Variants in RBL1 observed in about 807,000 individuals in gnomAD.
RBL1 encodes RB transcriptional corepressor like 1.
A neutral mutation model predicts 123.0 loss-of-function variants in RBL1; 82 were observed. The ratio of observed to expected loss-of-function variants is 0.67; its 90% CI spans 0.56 to 0.80. The LOEUF (loss-of-function observed/expected upper bound fraction) is 0.80, where lower values mean the gene tolerates loss of function less well. Ranked by LOEUF, RBL1 falls within the 30% of genes least tolerant of loss-of-function variation. The pLI, the probability that RBL1 is intolerant of heterozygous loss-of-function variation, is 0.00. For synonymous variants in RBL1, 405 were observed against 441.3 expected, an observed-to-expected ratio of 0.92 and a Z score of 1.03; for missense variants, 1,171 against 1,299.6, an observed-to-expected ratio of 0.90 and a Z score of 1.52.
chr20:37,065,341 A>G (rs1464244696), intron 7 of RBL1, 83 bp downstream of exon 7: 10 of 1,021,252 alleles, frequency 9.8e-6, no homozygotes, highest in Non-Finnish European at 1.4e-5. Context: ...ACTTTGATAT[A>G]CTGTTATGCT....
rs2064454859 is a variant in RBL1, at chr20:37,028,202, T to TA, written c.2382+4462dup. On this transcript the variant is annotated intron_variant, in intron 16 of 21. Coordinates refer to ENST00000373664, the MANE Select transcript of RBL1 (RefSeq NM_002895.5). ...CAATATGGTGAAACCACGTCTCTAC[T>TA]AAAAATACAAAAATTAGCCAGGTGT... 2.0e-5 allele frequency among the ~76,000 whole-genome samples: 3 copies of TA among 152,190 alleles called. No individual in the cohort carries two copies. The South Asian group carries it at 6.2e-4, about 32-fold the overall frequency.
At chr20:37,028,009 C>T (rs2064452627) in intron 16 of RBL1, among the ~76,000 whole-genome samples, 1 of 152,142 alleles carries the variant, frequency 6.6e-6, no homozygotes, top group African/African-American at 2.4e-5. Context: ...CCTGGCTTGG[C>T]CTCTGAAAAT....
At chr20:37,003,500 C>G (rs1041193992) in intron 21 of RBL1, 2 of 1,068,798 alleles carry the variant, frequency 1.9e-6, no homozygotes, top group African/African-American at 1.6e-5. Context: ...GTGAACTCCA[C>G]AAATACCATG....
At chr20:37,024,875 A>G (rs2064395776) in intron 16 of RBL1, among the ~76,000 whole-genome samples, 1 of 152,188 alleles carries the variant, frequency 6.6e-6, no homozygotes, top group South Asian at 2.1e-4. Flanking sequence ...GAGGGGGTGA[A>G]GGGACAGAGG....
intron 19 of RBL1, among the ~76,000 whole-genome samples, chr20:37,014,508 C>T (rs748604635): frequency 3.9e-5 from 6 of 151,996 alleles, no homozygotes; most frequent in Middle Eastern, 3.4e-3. Context: ...AGTTAATAAC[C>T]GTATGTAAGG....
At chr20:37,044,661 C>G (rs1375524582) in intron 12 of RBL1, among the ~76,000 whole-genome samples, 1 of 152,126 alleles carries the variant, frequency 6.6e-6, no homozygotes, top group Non-Finnish European at 1.5e-5. Context: ...TTCTGTGGCA[C>G]AGAACCAAAG....
At position 37,055,538 on chromosome 20, in the gene RBL1, A is replaced by G. The variant is rs1217214750; in HGVS notation, c.1467+15T>C. 2 of 1,613,926 alleles carry G rather than the reference A, an allele frequency of 1.2e-6. No individual in the cohort carries two copies. Among genetic ancestry groups the G allele is most frequent in the Non-Finnish European group, 1.7e-6 (2 of 1,179,924 alleles). On this transcript the variant is annotated intron_variant, in intron 11 of 21. Coordinates refer to ENST00000373664, the MANE Select transcript of RBL1 (RefSeq NM_002895.5). ...TTTGGACCTTGCCAGTAGCTCAGAG[A>G]GTGGATTTACTTACTGACATGTCCA...
chr20:37,069,494 C>T (rs1205951229), intron 2 of RBL1, among the ~76,000 whole-genome samples: 27 of 151,998 alleles, frequency 1.8e-4, no homozygotes, highest in Non-Finnish European at 3.5e-4. Flanking sequence ...CCCGCCACCC[C>T]GTCTGGGATG....
chr20:37,095,862 C>G lies in RBL1; in HGVS notation c.67G>C (p.Ala23Pro). 2 of 1,606,872 alleles carry G rather than the reference C, an allele frequency of 1.2e-6. No homozygotes were observed. Among genetic ancestry groups the G allele is most frequent in the Non-Finnish European group, 1.7e-6 (2 of 1,177,478 alleles). The change falls in exon 1 of 22, where the codon GCC (alanine) becomes CCC (proline). Residue 23 changes from alanine to proline, a missense_variant. Physicochemically the swap from Ala to Pro is conservative, Grantham distance 27 (BLOSUM62 -1). Coordinates refer to ENST00000373664, the MANE Select transcript of RBL1 (RefSeq NM_002895.5). The part of the protein sequence containing the change: ...VVAAAGEALQ[A>P]LCQELNLDEG... ...TCCAGGTTCAGCTCCTGGCACAGGGCCTGTAGCGCCTCCCCGGCTGCGGCG... is the reference window on the plus strand; with the variant it reads ...TCCAGGTTCAGCTCCTGGCACAGGGGCTGTAGCGCCTCCCCGGCTGCGGCG...
Position 37,044,128 on chromosome 20 carries a change from C to T in RBL1, c.1728G>A (p.Glu576=). The part of the protein sequence containing the change: ...LAWSHDSALW[E]ALQVSANKVP... ...CTTTGTTTGCAGAAACCTGGAGAGCCTCCCACAGTGCAGAATCGTGACTCC... is the reference window on the plus strand; with the variant it reads ...CTTTGTTTGCAGAAACCTGGAGAGCTTCCCACAGTGCAGAATCGTGACTCC... The change falls in exon 13 of 22, where the codon GAG becomes GAA. Residue 576 remains glutamate, a synonymous_variant. Transcript: ENST00000373664. The T allele has an allele frequency of 6.2e-7, 1 of 1,612,686 alleles. No individual in the cohort carries two copies. Among genetic ancestry groups the T allele is most frequent in the Non-Finnish European group, 8.5e-7 (1 of 1,179,620 alleles).
chr20:37,080,057 A>T (rs991349916), intron 2 of RBL1, among the ~76,000 whole-genome samples: 2 of 147,842 alleles, frequency 1.4e-5, no homozygotes, highest in Admixed American at 1.4e-4. Context: ...ATTTTGATAG[A>T]ATGTACTTTT....
intron 9 of RBL1, among the ~76,000 whole-genome samples, chr20:37,058,567 G>A (rs1371287935): frequency 1.3e-5 from 2 of 151,194 alleles, no homozygotes; most frequent in Non-Finnish European, 2.9e-5. Context: ...GGTTTTATTT[G>A]TTTTGTTTTT....
At chr20:37,003,160 GT>G (rs2064014965) in intron 21 of RBL1, among the ~76,000 whole-genome samples, 1 of 152,140 alleles carries the variant, frequency 6.6e-6, no homozygotes, top group African/African-American at 2.4e-5. Flanking sequence ...ATTTCTTCCA[GT>G]TTATACTGAT....
chr20:37,090,761 G>A (rs1328163260), intron 1 of RBL1, among the ~76,000 whole-genome samples: 1 of 152,138 alleles, frequency 6.6e-6, no homozygotes, highest in Non-Finnish European at 1.5e-5. Flanking sequence ...AACCTGTGGA[G>A]CATGTTACTA....
chr20:37,007,500 C>T lies in RBL1; in HGVS notation c.2782G>A (p.Gly928Ser). 1.9e-6 allele frequency: 3 copies of T among 1,613,812 alleles called. 1 individual carries two copies. The South Asian group carries it at 3.3e-5, about 18-fold the overall frequency. Residue 928 changes from glycine to serine, a missense_variant, in exon 20 of 22, where the codon GGT becomes AGT. Physicochemically the swap from Gly to Ser is moderately conservative, Grantham distance 56. Transcript: ENST00000373664. The stretch of plus-strand genomic sequence containing the variant: ...GTATTGTAAAATTTTATAAGATCAC[C>T]TCTTTCCTCTTTCACTGGTCCACTG... The part of the protein sequence containing the change: ...CSSGPVKEER[G>S]DLIKFYNTIY...
At chr20:37,025,218 T>C (rs2064400272) in intron 16 of RBL1, among the ~76,000 whole-genome samples, 1 of 109,990 alleles carries the variant, frequency 9.1e-6, no homozygotes, top group East Asian at 2.0e-4. Context: ...AAAGACTATA[T>C]TTGCCCCTTT....
chr20:37,040,344 T>C (rs2064702210), intron 13 of RBL1, 59 bp from the exon 14 acceptor site: 1 of 1,572,196 alleles, frequency 6.4e-7, no homozygotes, highest in Non-Finnish European at 8.6e-7. Context: ...TTAAAACTTA[T>C]TAAAAATGTT....
chr20:37,089,046 C>A lies in RBL1; in HGVS notation c.233G>T (p.Gly78Val). 1.9e-6 allele frequency: 3 copies of A among 1,612,462 alleles called. No individual in the cohort carries two copies. The highest frequency in any genetic ancestry group is 1.1e-5 in the South Asian group (1 of 90,856). Residue 78 changes from glycine (G) to valine (V), a missense_variant, in exon 2 of 22, where the codon GGT (glycine) becomes GTT (valine). Transcript: ENST00000373664. ...TGAAACACAGTTGCCTTCCATGATA[C>A]CCTTTCCAACCGTGGGAATAATGCT... Reference protein sequence around the residue: ...RKSIIPTVGKGIMEGNCVSLT... With the variant: ...RKSIIPTVGKVIMEGNCVSLT...
At position 37,025,738 on chromosome 20, in the gene RBL1, G is replaced by A. The variant is rs143449732; in HGVS notation, c.2383-2912C>T. 1.2e-3 allele frequency among the ~76,000 whole-genome samples: 175 copies of A among 149,306 alleles called. 2 individuals carry two copies. The highest frequency in any genetic ancestry group is 4.3e-3 in the African/African-American group (174 of 40,632). ...GAAAATGGCCAAAAAAACCTTGAAG[G>A]GACCTGGGTTTTTTTTTTTTTTGAG... On this transcript the variant is annotated intron_variant, in intron 16 of 21. Coordinates refer to ENST00000373664, the MANE Select transcript of RBL1 (RefSeq NM_002895.5).
Sources: gnomAD v4.1 joint callset for allele counts (sites outside exome capture counted in the v4.1 genomes callset) on GRCh38, gnomAD v4.1.1 for gene constraint, MANE v1.5 for transcripts, NCBI Gene and HGNC (gene_info 2026-07-23, HGNC 2026-07-21) for gene names.